SCN1A: variants seen among roughly 807,000 people sequenced by gnomAD.
SCN1A encodes the protein sodium channel protein type 1 subunit alpha.
In SCN1A, 13 loss-of-function variants were observed where a neutral mutation model predicts 193.7. That is an observed-to-expected ratio of 0.07 (90% confidence interval 0.04 to 0.11). SCN1A has a LOEUF of 0.11. Ranked by LOEUF, SCN1A falls within the 10% of genes least tolerant of loss-of-function variation. The pLI is 1.00. For missense variants in SCN1A, 1,432 were observed against 2,451.1 expected (o/e 0.58, Z 8.78); for synonymous variants, 781 against 843.6 (o/e 0.93, Z 1.29).
chr2:165,996,773 A>G (rs1690128875), intron 26 of SCN1A, among the ~76,000 whole-genome samples: 2 of 151,522 alleles, frequency 1.3e-5, no homozygotes, highest in South Asian at 4.1e-4. Flanking sequence ...AATTGAGGGG[A>G]GAATGTTCTG....
chr2:166,143,324 G>A lies in SCN1A; in HGVS notation c.-50+5723C>T, dbSNP rs543109180. Among the ~76,000 whole-genome samples, 654 of 151,870 alleles carry A rather than the reference G, an allele frequency of 4.3e-3. 9 individuals carry two copies. The highest frequency in any genetic ancestry group is 0.014 in the African/African-American group (598 of 41,390). On this transcript the variant is annotated intron_variant, in intron 1 of 26. Transcript: ENST00000635750. ...TGGGACTACAGGCGCCTGCCACCAC[G>A]CCCGGCTAATTTTTTGTATTTTTAA... is the stretch of plus-strand genomic sequence containing the variant.
chr2:166,122,240 C>A (rs7587026), intron 2 of SCN1A, among the ~76,000 whole-genome samples: 39,779 of 152,044 alleles, frequency 0.26, 5,330 homozygotes, highest in African/African-American at 0.28. Flanking sequence ...ATACTAGCAA[C>A]ATATATTACA....
intron 2 of SCN1A, among the ~76,000 whole-genome samples, chr2:166,113,057 T>G (rs1217996389): frequency 2.0e-5 from 3 of 152,158 alleles, no homozygotes; most frequent in African/African-American, 4.8e-5. Context: ...AGTCAGAAGT[T>G]CCAGAGGCCT....
In SCN1A at chr2:166,039,409, T is replaced by C. The variant is rs2105816158; in HGVS notation, c.2589+14A>G. 1 of 1,531,918 alleles carries C rather than the reference T, an allele frequency of 6.5e-7. No homozygotes were observed. The highest frequency in any genetic ancestry group is 2.5e-5 in the East Asian group (1 of 39,860). 94.9% of individuals were successfully genotyped at this position (1,531,918 alleles called of 1,614,324 possible). On this transcript the variant is annotated intron_variant, in intron 17 of 28. Transcript: ENST00000674923. The stretch of plus-strand genomic sequence containing the variant: ...AAGGTTTTTGAATTTGGTGCTTTTT[T>C]TTTTTTTTTTTACCAATCGAAATGA...
rs1696898929 is a variant in SCN1A, at chr2:166,039,646, G to T, written c.2416-50C>A. Reference sequence around the variant, plus strand: ...AATTCCACCAGATAATAACATACATGACATAAGATTTGCTCTTAGAACATA... The same window carrying T: ...AATTCCACCAGATAATAACATACATTACATAAGATTTGCTCTTAGAACATA... On this transcript the variant is annotated intron_variant, in intron 16 of 28. Coordinates refer to ENST00000674923, the MANE Select transcript of SCN1A (RefSeq NM_001165963.4). 4.0e-6 allele frequency: 6 copies of T among 1,497,082 alleles called. No individual in the cohort carries two copies. In the East Asian group the frequency reaches 1.1e-4, roughly 28 times the overall value. The allele number at this position is 1,497,082 out of a possible 1,614,324, so 92.7% of individuals were successfully genotyped here.
At chr2:165,995,906 G>T in intron 27 of SCN1A, 107 bp downstream of exon 27, 1 of 775,118 alleles carries the variant, frequency 1.3e-6, no homozygotes, top group Non-Finnish European at 2.3e-6. Flanking sequence ...CTCTACAAGT[G>T]AAAGAAATTT....
rs944453079 is a variant in SCN1A at position 166,015,592 on chromosome 2, G to T, written c.3550+15C>A. On this transcript the variant is annotated intron_variant, in intron 20 of 28. Transcript: ENST00000674923. ...ACTCCAAATGAAAGATTAACATTAG[G>T]ATTCTTTTCTTTACCTTCAGTGAAA... 2.5e-6 allele frequency: 4 copies of T among 1,611,924 alleles called. No homozygotes were observed. The highest frequency in any genetic ancestry group is 2.7e-5 in the African/African-American group (2 of 74,812).
rs1221602208 is a variant in SCN1A at position 166,009,720 on chromosome 2, C to T, written c.4001G>A (p.Arg1334Lys). ...LRALSRFEGMRVVVNALLGAI... is the reference protein window; with the variant it reads ...LRALSRFEGMKVVVNALLGAI... Reference sequence around the variant, plus strand: ...TTCAGGTTCTTTCATTTTTCTTACCCTCATCCCTTCAAATCGAGATAAGGC... The same window carrying T: ...TTCAGGTTCTTTCATTTTTCTTACCTTCATCCCTTCAAATCGAGATAAGGC... Residue 1334 changes from arginine to lysine, a missense_variant and splice_region_variant, in exon 23 of 29, where the codon AGG becomes AAG. Physicochemically the swap from Arg to Lys is conservative, Grantham distance 26 (BLOSUM62 2). Coordinates refer to ENST00000674923, the MANE Select transcript of SCN1A (RefSeq NM_001165963.4). 2 of 1,604,294 alleles carry T rather than the reference C, an allele frequency of 1.2e-6. No homozygotes were observed. Among genetic ancestry groups the T allele is most frequent in the East Asian group, 2.2e-5 (1 of 44,546 alleles).
At chr2:166,044,996 A>G (rs371729870) in intron 13 of SCN1A, 47 bp downstream of exon 13, 5 of 1,597,178 alleles carry the variant, frequency 3.1e-6, no homozygotes, top group Admixed American at 3.3e-5. Context: ...CCTCTCTCCC[A>G]TGTTTTAATT....
rs1230076146 is a variant in SCN1A at position 165,990,486 on chromosome 2, A to G, written c.*759T>C. On this transcript the variant is annotated 3_prime_UTR_variant, in exon 29 of 29. Transcript: ENST00000674923. ...TTTATGACTCCAAACATTTGAATGA[A>G]GTTTGCACCTGCTAAGATTTACTGG... 2 of 152,502 alleles carry G rather than the reference A, an allele frequency of 1.3e-5. No homozygotes were observed. The highest frequency in any genetic ancestry group is 4.8e-5 in the African/African-American group (2 of 41,420). 9.4% of individuals were successfully genotyped at this position (152,502 alleles called of 1,614,324 possible).
intron 22 of SCN1A, among the ~76,000 whole-genome samples, chr2:166,010,454 C>T (rs1692279931): frequency 6.6e-6 from 1 of 151,198 alleles, no homozygotes; most frequent in Admixed American, 6.6e-5. Flanking sequence ...TAATTTATGG[C>T]TTCTGCCATG....
Position 166,054,681 on chromosome 2 carries a change from G to A in SCN1A, c.559C>T (p.Arg187Trp), listed in dbSNP as rs1419611654. 4.3e-6 allele frequency: 7 copies of A among 1,612,160 alleles called. No individual in the cohort carries two copies. Among genetic ancestry groups the A allele is most frequent in the South Asian group, 1.1e-5 (1 of 91,050 alleles). Residue 187 changes from arginine to tryptophan, a missense_variant, in exon 7 of 29, where the codon CGG becomes TGG. By Grantham distance (101) the Arg-to-Trp change is moderately radical (BLOSUM62 -3). Coordinates refer to ENST00000674923, the MANE Select transcript of SCN1A (RefSeq NM_001165963.4). ...AAATCGAGCCAGTTCCATGGATCCC[G>A]AAGGAAAGTAAAATCTTCTAAACAG... ...GFCLEDFTFL[R>W]DPWNWLDFTV...
intron 19 of SCN1A, 65 bp downstream of exon 19, chr2:166,035,983 T>G: frequency 6.7e-7 from 1 of 1,492,260 alleles, no homozygotes; most frequent in Non-Finnish European, 9.3e-7. Flanking sequence ...CTGAGGATCA[T>G]CTGTATGTGT....
intron 23 of SCN1A, 40 bp from the exon 24 acceptor site, chr2:166,002,793 A>G (rs757271654): frequency 9.6e-6 from 15 of 1,566,568 alleles, no homozygotes; most frequent in Middle Eastern, 1.7e-4. Context: ...CAGAATTCTT[A>G]TCTGTTAATA....
intron 2 of SCN1A, among the ~76,000 whole-genome samples, chr2:166,090,654 A>G (rs972696260): frequency 6.6e-6 from 1 of 152,152 alleles, no homozygotes; most frequent in Admixed American, 6.5e-5. Flanking sequence ...ATAAAATGTA[A>G]CTACTATACA....
Position 165,991,886 on chromosome 2 carries a change from C to A in SCN1A, c.5389G>T (p.Ala1797Ser). ...ENFSVATEES[A>S]EPLSEDDFEM... is the part of the protein sequence containing the mutation. ...AAGTCATCCTCACTCAGAGGCTCTGCACTTTCTTCAGTAGCAACACTGAAG... is the reference window on the plus strand; with the variant it reads ...AAGTCATCCTCACTCAGAGGCTCTGAACTTTCTTCAGTAGCAACACTGAAG... Residue 1797 changes from alanine to serine, a missense_variant, in exon 29 of 29, where the codon GCA (alanine) becomes TCA (serine). Physicochemically the swap from Ala to Ser is moderately conservative, Grantham distance 99. Transcript: ENST00000674923. 6.2e-7 allele frequency: 1 copy of A among 1,613,990 alleles called. No individual in the cohort carries two copies. Among genetic ancestry groups the A allele is most frequent in the Non-Finnish European group, 8.5e-7 (1 of 1,179,942 alleles).
At chr2:166,138,390 C>T (rs1284114175) in intron 1 of SCN1A, among the ~76,000 whole-genome samples, 2 of 152,170 alleles carry the variant, frequency 1.3e-5, no homozygotes, top group African/African-American at 2.4e-5. Context: ...TGGGCCAGGC[C>T]CAGAGTTCCC....
chr2:166,058,705 C>G lies in SCN1A; in HGVS notation c.265-17G>C, dbSNP rs1382587241. ...TATAAAAGTCTGTAAGACAGGAACA[C>G]AACATAGAAGTATGAAAGTATAAAC... On this transcript the variant is annotated splice_polypyrimidine_tract_variant and intron_variant, in intron 4 of 28. Transcript: ENST00000674923. The G allele has an allele frequency of 1.5e-6, 2 of 1,354,538 alleles. No individual in the cohort carries two copies. 83.9% of individuals were successfully genotyped at this position (1,354,538 alleles called of 1,614,324 possible). A position where few individuals can be genotyped will look rare whatever the true frequency, so the allele number is the denominator to read the frequency against.
Position 166,043,823 on chromosome 2 carries a change from C to G in SCN1A, c.1889G>C (p.Arg630Pro), listed in dbSNP as rs145670933. Residue 630 changes from arginine to proline, a missense_variant, in exon 14 of 29, where the codon CGG becomes CCG. Arg to Pro is a moderately radical substitution (Grantham distance 103). This residue lies in a region of SCN1A where 316 missense variants were observed against 362.1 expected (regional missense o/e 0.87). Coordinates refer to ENST00000674923, the MANE Select transcript of SCN1A (RefSeq NM_001165963.4). ...SNLSQTSRSS[R>P]MLAVFPANGK... ...ATTCGCTGGAAACACTGCCAGCATC[C>G]GGGATGACCTACTGGTCTGACTCAG... 3 of 1,614,044 alleles carry G rather than the reference C, an allele frequency of 1.9e-6. No homozygotes were observed. The African/African-American group carries it at 4.0e-5, about 22-fold the overall frequency.
Sources: allele counts gnomAD v4.1 joint callset (sites outside exome capture counted in the v4.1 genomes callset), GRCh38; gene constraint gnomAD v4.1.1; regional missense constraint gnomAD v4.1.1; transcripts MANE v1.5; gene names NCBI Gene and HGNC (gene_info 2026-07-23, HGNC 2026-07-21).